USH2A: variants seen among roughly 807,000 people sequenced by gnomAD.
The protein encoded by USH2A is usherin.
A neutral mutation model predicts 538.9 loss-of-function variants in USH2A; 443 were observed. That is an observed-to-expected ratio of 0.82 (90% CI 0.76 to 0.89). The LOEUF is 0.89. Among genes scored for constraint, USH2A ranks in the 40% least tolerant of loss-of-function variants. The pLI is 0.00. For synonymous variants in USH2A, 2,413 were observed against 2,273.5 expected (o/e 1.06, Z -1.75); for missense variants, 6,633 against 6,324.8 (o/e 1.05, Z -1.65).
At chr1:216,174,739 T>C in intron 21 of USH2A, 1 of 995,822 alleles carries the variant, frequency 1.0e-6, no homozygotes, top group Non-Finnish European at 1.2e-6. Flanking sequence ...TATTAAGTTG[T>C]CACAGTGAAA....
chr1:215,634,650 C>CT lies in USH2A; in HGVS notation c.15105dup (p.Glu5036ArgfsTer142). 6.2e-7 allele frequency: 1 copy of CT among 1,614,234 alleles called. No homozygotes were observed. The highest frequency in any genetic ancestry group is 8.5e-7 in the Non-Finnish European group (1 of 1,180,050). On this transcript the variant is annotated frameshift_variant, in exon 70 of 72. Transcript: ENST00000307340. LOFTEE classifies it high-confidence loss of function. ...ATGAACCACAGCTCGCTGTAGAACT[C>CT]TGTGCTTTTGCTCCGCGATCCCTTC...
At chr1:216,244,637 G>C (rs2036001221) in intron 13 of USH2A, among the ~76,000 whole-genome samples, 2 of 152,106 alleles carry the variant, frequency 1.3e-5, no homozygotes, top group Non-Finnish European at 2.9e-5. Flanking sequence ...GCATGGTGTA[G>C]ATTAAATTAT....
At chr1:216,113,137 TAAAAAAAAA>T (rs71159901) in intron 21 of USH2A, among the ~76,000 whole-genome samples, 6 of 127,582 alleles carry the variant, frequency 4.7e-5, no homozygotes, top group African/African-American at 8.8e-5. Context: ...CTCCAAATGA[TAAAAAAAAA>T]AAAAAAAAAA....
chr1:216,048,672 G>T (rs769341848), intron 30 of USH2A, 25 bp from the exon 31 acceptor site: 1 of 1,587,192 alleles, frequency 6.3e-7, no homozygotes, highest in South Asian at 1.1e-5. Context: ...GACAAAAGAG[G>T]GTTGCGTGTT....
chr1:215,660,866 GTCTC>G (rs1657417376), intron 64 of USH2A, among the ~76,000 whole-genome samples: 1 of 152,150 alleles, frequency 6.6e-6, no homozygotes, highest in African/African-American at 2.4e-5. Context: ...ACAAGAAGAA[GTCTC>G]AACTATGTTC....
rs150545749 is a variant in USH2A at position 215,850,479 on chromosome 1, A to G, written c.8846-4446T>C. 4.9e-3 allele frequency among the ~76,000 whole-genome samples: 743 copies of G among 152,228 alleles called. 3 individuals carry two copies. The highest frequency in any genetic ancestry group is 7.9e-3 in the Non-Finnish European group (539 of 68,018). ...AGCAATTGGCCGTCTATGAGGGTCTAGTTTTCCCATCTAAGGTAGGACTCT... is the reference window on the plus strand; with the variant it reads ...AGCAATTGGCCGTCTATGAGGGTCTGGTTTTCCCATCTAAGGTAGGACTCT... On this transcript the variant is annotated intron_variant, in intron 44 of 71. Coordinates refer to ENST00000307340, the MANE Select transcript of USH2A (RefSeq NM_206933.4).
At chr1:216,241,319 C>T (rs541649820) in intron 13 of USH2A, among the ~76,000 whole-genome samples, 70 of 152,186 alleles carry the variant, frequency 4.6e-4, no homozygotes, top group African/African-American at 1.6e-3. Flanking sequence ...TCTCTAAGCA[C>T]GGAAATTCCT....
At chr1:216,168,539 T>G (rs1473924669) in intron 21 of USH2A, among the ~76,000 whole-genome samples, 2 of 152,264 alleles carry the variant, frequency 1.3e-5, no homozygotes, top group African/African-American at 4.8e-5. Context: ...TACAATTTAG[T>G]TTTGAAACAA....
intron 69 of USH2A, among the ~76,000 whole-genome samples, chr1:215,636,667 A>C (rs1254292408): frequency 1.3e-5 from 2 of 152,164 alleles, no homozygotes; most frequent in Admixed American, 1.3e-4. Flanking sequence ...AGCCTGCCCG[A>C]GGGAAGCCTC....
intron 60 of USH2A, among the ~76,000 whole-genome samples, chr1:215,738,090 GGGA>G (rs1558076121): frequency 6.6e-6 from 1 of 152,022 alleles, no homozygotes; most frequent in African/African-American, 2.4e-5. Flanking sequence ...AGCACCTAGT[GGGA>G]GGAGATTATT....
In USH2A at chr1:216,413,920, C is replaced by A. The variant is rs1013092114; in HGVS notation, c.651+4594G>T. Among the ~76,000 whole-genome samples, 3 of 152,030 alleles carry A rather than the reference C, an allele frequency of 2.0e-5. No homozygotes were observed. In the South Asian group the frequency reaches 6.2e-4, roughly 31 times the overall value. On this transcript the variant is annotated intron_variant, in intron 3 of 71. Transcript: ENST00000307340. ...ATAAAATGTGTGGAACTGCTTAAGG[C>A]AAAATATATTGTCAAAGAAAACCCT...
chr1:216,078,001 C>A, intron 27 of USH2A, 88 bp downstream of exon 27: 1 of 1,531,530 alleles, frequency 6.5e-7, no homozygotes, highest in Admixed American at 1.7e-5. Context: ...TAGCCTGAGT[C>A]TATTGCTATC....
chr1:216,306,075 C>T (rs1003555808), intron 9 of USH2A, among the ~76,000 whole-genome samples: 9 of 152,188 alleles, frequency 5.9e-5, no homozygotes, highest in African/African-American at 1.7e-4. Context: ...AGGTTGGGGA[C>T]GTTTTCCTTG....
chr1:215,674,249 A>C lies in USH2A; in HGVS notation c.13662T>G (p.Pro4554=), dbSNP rs137980565. 2 of 1,614,028 alleles carry C rather than the reference A, an allele frequency of 1.2e-6. No homozygotes were observed. The highest frequency in any genetic ancestry group is 1.3e-5 in the African/African-American group (1 of 74,912). ...GPQEILVNWD[P]PVRTNGDIIN... Reference sequence around the variant, plus strand: ...TGATATCACCATTTGTTCTCACTGGAGGGTCCCAGTTCACTAAGATCTCCT... The same window carrying C: ...TGATATCACCATTTGTTCTCACTGGCGGGTCCCAGTTCACTAAGATCTCCT... The change falls in exon 63 of 72, where the codon CCT becomes CCG. Residue 4554 remains proline, a synonymous_variant. Coordinates refer to ENST00000307340, the MANE Select transcript of USH2A (RefSeq NM_206933.4).
chr1:216,066,717 A>C (rs996562670), intron 30 of USH2A, among the ~76,000 whole-genome samples: 1 of 152,184 alleles, frequency 6.6e-6, no homozygotes, highest in Non-Finnish European at 1.5e-5. Context: ...ACAGAGGTTT[A>C]TTGATTTGTC....
chr1:216,188,654 A>G (rs1266669364), intron 20 of USH2A, among the ~76,000 whole-genome samples: 1 of 151,972 alleles, frequency 6.6e-6, no homozygotes, highest in Admixed American at 6.6e-5. Flanking sequence ...TAAAGATGGT[A>G]TAGCTTTGTC....
At chr1:215,869,952 G>A (rs1044551086) in intron 43 of USH2A, among the ~76,000 whole-genome samples, 1 of 152,158 alleles carries the variant, frequency 6.6e-6, no homozygotes, top group Non-Finnish European at 1.5e-5. Context: ...ACAATTGCAT[G>A]CCTGTTTTCA....
intron 64 of USH2A, among the ~76,000 whole-genome samples, chr1:215,651,332 T>G (rs552457946): frequency 9.8e-5 from 15 of 152,296 alleles, no homozygotes; most frequent in Middle Eastern, 3.4e-3. Flanking sequence ...GTCATTTGCA[T>G]GAGTAAGTAA....
intron 69 of USH2A, 54 bp from the exon 70 acceptor site, chr1:215,634,757 C>G: frequency 1.2e-6 from 2 of 1,613,682 alleles, no homozygotes; most frequent in Non-Finnish European, 1.7e-6. Flanking sequence ...GCATTTTTGT[C>G]ATCTCTGGCC....
Sources: gnomAD v4.1 joint callset for allele counts (sites outside exome capture counted in the v4.1 genomes callset) on GRCh38, gnomAD v4.1.1 for gene constraint, MANE v1.5 for transcripts, NCBI Gene and HGNC (gene_info 2026-07-23, HGNC 2026-07-21) for gene names.